Variants in CAMTA1 observed in about 807,000 individuals in gnomAD.
CAMTA1 encodes calmodulin binding transcription activator 1.
Under a neutral mutation model 170.9 loss-of-function variants are expected in CAMTA1, and 27 were observed. That is an observed-to-expected ratio of 0.16 (90% CI 0.12 to 0.22). CAMTA1 has a LOEUF of 0.22. Ranked by LOEUF, CAMTA1 falls within the 10% of genes least tolerant of loss-of-function variation. CAMTA1 has a pLI of 1.00. For synonymous variants in CAMTA1, 833 were observed against 891.5 expected, an observed-to-expected ratio of 0.93 and a Z score of 1.17; for missense variants, 1,619 against 2,217.2, an observed-to-expected ratio of 0.73 and a Z score of 5.42.
At position 7,296,804 on chromosome 1, in the gene CAMTA1, C is replaced by T. The variant is rs377456831; in HGVS notation, c.438+47178C>T. 1.8e-4 allele frequency among the ~76,000 whole-genome samples: 17 copies of T among 96,588 alleles called. No individual in the cohort carries two copies. In the East Asian group the frequency reaches 2.5e-3, roughly 14 times the overall value. The allele number at this position is 96,588 out of a possible 152,430, so 63.4% of individuals were successfully genotyped here. ...TACAGACTTTTGTAGTCATTAATCA[C>T]GGATGACCACCGAGAGAAAGAGTAT... On this transcript the variant is annotated intron_variant, in intron 5 of 22. Coordinates refer to ENST00000303635, the MANE Select transcript of CAMTA1 (RefSeq NM_015215.4).
chr1:6,917,885 G>A (rs1225928335), intron 3 of CAMTA1, among the ~76,000 whole-genome samples: 1 of 151,562 alleles, frequency 6.6e-6, no homozygotes, highest in Non-Finnish European at 1.5e-5. Context: ...CTTTGGTGCT[G>A]TGAACAAGGG....
At chr1:6,999,672 G>A (rs887107651) in intron 3 of CAMTA1, among the ~76,000 whole-genome samples, 4 of 152,104 alleles carry the variant, frequency 2.6e-5, no homozygotes, top group South Asian at 2.1e-4. Flanking sequence ...GTACCCGGCC[G>A]GGTCTTTTTT....
intron 10 of CAMTA1, among the ~76,000 whole-genome samples, chr1:7,677,342 C>T (rs4908474): frequency 0.05 from 7,559 of 152,218 alleles, 558 homozygotes; most frequent in East Asian, 0.26. Context: ...TGCCCTCACT[C>T]GGAGGACAAA....
chr1:7,663,260 C>T (rs2095976571), intron 8 of CAMTA1, 93 bp from the exon 9 acceptor site: 17 of 1,458,348 alleles, frequency 1.2e-5, no homozygotes, highest in South Asian at 3.1e-5. Flanking sequence ...AGGTCCACCA[C>T]GGTCCTAGCT....
intron 1 of CAMTA1, among the ~76,000 whole-genome samples, chr1:6,806,671 A>G (rs1040928481): frequency 6.6e-6 from 1 of 152,192 alleles, no homozygotes; most frequent in Non-Finnish European, 1.5e-5. Flanking sequence ...GACTTCCTGT[A>G]GTAAATGTTT....
intron 4 of CAMTA1, among the ~76,000 whole-genome samples, chr1:7,200,885 A>C (rs575734973): frequency 2.8e-4 from 43 of 152,292 alleles, no homozygotes; most frequent in African/African-American, 9.9e-4. Flanking sequence ...ATTTTGAAAA[A>C]CAGCTTTATT....
chr1:7,668,423 A>ACC (rs2096021497), intron 9 of CAMTA1, among the ~76,000 whole-genome samples: 1 of 141,824 alleles, frequency 7.1e-6, no homozygotes, highest in South Asian at 2.1e-4. Context: ...ACACACACAC[A>ACC]CACACACACC....
intron 5 of CAMTA1, chr1:7,369,169 G>T (rs896382740): frequency 1.3e-5 from 2 of 152,260 alleles, no homozygotes; most frequent in African/African-American, 4.8e-5. Flanking sequence ...GGAGCAGAGG[G>T]AGGAGTCATG....
At chr1:7,223,704 T>C (rs187925049) in intron 4 of CAMTA1, among the ~76,000 whole-genome samples, 1 of 152,304 alleles carries the variant, frequency 6.6e-6, no homozygotes, top group East Asian at 1.9e-4. Flanking sequence ...AATTCATGGA[T>C]GCATGTGCCA....
At chr1:7,581,335 C>T (rs550414529) in intron 6 of CAMTA1, among the ~76,000 whole-genome samples, 1 of 152,238 alleles carries the variant, frequency 6.6e-6, no homozygotes, top group Non-Finnish European at 1.5e-5. Context: ...TCCGTTCTCT[C>T]ACATGGAGAA....
intron 6 of CAMTA1, among the ~76,000 whole-genome samples, chr1:7,479,586 TC>T (rs1221546752): frequency 6.6e-6 from 1 of 152,170 alleles, no homozygotes; most frequent in African/African-American, 2.4e-5. Flanking sequence ...GGGTGTGTCT[TC>T]CCCAGGCCTC....
At chr1:7,190,881 G>A (rs1017790544) in intron 4 of CAMTA1, among the ~76,000 whole-genome samples, 2 of 152,204 alleles carry the variant, frequency 1.3e-5, no homozygotes, top group African/African-American at 4.8e-5. Flanking sequence ...AAGGATATAA[G>A]CTCAGAGAGG....
chr1:7,734,543 A>C (rs77569069), intron 12 of CAMTA1, among the ~76,000 whole-genome samples: 1 of 37,462 alleles, frequency 2.7e-5, no homozygotes, highest in Non-Finnish European at 6.1e-5. Context: ...GTTTAATACA[A>C]AAAAAAAAAA....
rs2095415087 is a variant in CAMTA1, at chr1:7,598,168, G to A, written c.511-42232G>A. ...TTCTCATTGTTCAATTCCCACCTAT[G>A]AGTGAGAACATGTGGTGTTTGGTTT... On this transcript the variant is annotated intron_variant, in intron 6 of 22. Transcript: ENST00000303635. Among the ~76,000 whole-genome samples, 3 of 144,778 alleles carry A rather than the reference G, an allele frequency of 2.1e-5. No homozygotes were observed. In the Admixed American group the frequency reaches 2.2e-4, roughly 11 times the overall value. 95.0% of individuals were successfully genotyped at this position (144,778 alleles called of 152,430 possible). A position where few individuals can be genotyped will look rare whatever the true frequency, so the allele number is the denominator to read the frequency against.
intron 3 of CAMTA1, among the ~76,000 whole-genome samples, chr1:7,072,569 A>T (rs773235851): frequency 1.3e-5 from 2 of 152,252 alleles, no homozygotes; most frequent in Admixed American, 6.5e-5. Context: ...ATAGTATAGC[A>T]AGATGCAGAG....
In CAMTA1 at chr1:7,354,840, T is replaced by C. The variant is rs115361473; in HGVS notation, c.438+105214T>C. On this transcript the variant is annotated intron_variant, in intron 5 of 22. Transcript: ENST00000303635. ...GAGTGATGGTGAGCATTTTTTCATA[T>C]GCTTGTTGGCTATGTGTATGTCTTC... Among the ~76,000 whole-genome samples, 1,439 of 152,318 alleles carry C rather than the reference T, an allele frequency of 9.4e-3. 24 individuals carry two copies. Among genetic ancestry groups the C allele is most frequent in the African/African-American group, 0.031 (1,308 of 41,568 alleles).
intron 4 of CAMTA1, among the ~76,000 whole-genome samples, chr1:7,139,479 T>C (rs1229983108): frequency 2.0e-5 from 3 of 151,808 alleles, no homozygotes; most frequent in Non-Finnish European, 4.4e-5. Flanking sequence ...CCCTCCTCCT[T>C]TTTCCAGGGG....
intron 4 of CAMTA1, among the ~76,000 whole-genome samples, chr1:7,228,686 G>A (rs1574042233): frequency 6.6e-6 from 1 of 152,194 alleles, no homozygotes; most frequent in Non-Finnish European, 1.5e-5. Context: ...ATGGCGTTGC[G>A]GCACAGGAGG....
intron 5 of CAMTA1, among the ~76,000 whole-genome samples, chr1:7,346,275 C>A (rs892488074): frequency 1.3e-5 from 2 of 152,182 alleles, no homozygotes; most frequent in Admixed American, 6.5e-5. Flanking sequence ...ACAGGTTTCT[C>A]TCCCTCTCTG....
Sources: allele counts gnomAD v4.1 joint callset (sites outside exome capture counted in the v4.1 genomes callset), GRCh38; gene constraint gnomAD v4.1.1; transcripts MANE v1.5; gene names NCBI Gene and HGNC (gene_info 2026-07-23, HGNC 2026-07-21).